Variants in SLC9A9 observed in about 807,000 individuals in gnomAD.
SLC9A9 encodes the protein solute carrier family 9 member A9.
In SLC9A9, 62 loss-of-function variants were observed where a neutral mutation model predicts 77.8. That is an observed-to-expected ratio of 0.80 (90% CI 0.65 to 0.98). The LOEUF is 0.98. Ranked by LOEUF, SLC9A9 falls within the 50% of genes least tolerant of loss-of-function variation. The pLI, the probability that SLC9A9 is intolerant of heterozygous loss-of-function variation, is 0.00. For missense variants in SLC9A9, 775 were observed against 774.9 expected, an observed-to-expected ratio of 1.00 and a Z score of 0.00; for synonymous variants, 320 against 283.5, an observed-to-expected ratio of 1.13 and a Z score of -1.29.
In SLC9A9 at chr3:143,266,149, C is replaced by T. The variant is rs769905645; in HGVS notation, c.*553G>A. ...TCAACTCAGTGTGGGCTCTGGGAAA[C>T]CATCAGCAGTGGGTACGGAACACTT... On this transcript the variant is annotated 3_prime_UTR_variant, in exon 16 of 16. Coordinates refer to ENST00000316549, the MANE Select transcript of SLC9A9 (RefSeq NM_173653.4). 1.4e-6 allele frequency: 1 copy of T among 701,762 alleles called. No individual in the cohort carries two copies. Among genetic ancestry groups the T allele is most frequent in the South Asian group, 1.5e-5 (1 of 67,238 alleles). The allele number at this position is 701,762 out of a possible 1,614,324, so 43.5% of individuals were successfully genotyped here.
At chr3:143,472,700 C>T (rs188125937) in intron 11 of SLC9A9, among the ~76,000 whole-genome samples, 1 of 152,326 alleles carries the variant, frequency 6.6e-6, no homozygotes, top group East Asian at 1.9e-4. Context: ...ACAGTAGGCA[C>T]TCAATAACGA....
At chr3:143,281,903 T>G (rs1255267023) in intron 14 of SLC9A9, among the ~76,000 whole-genome samples, 1 of 152,180 alleles carries the variant, frequency 6.6e-6, no homozygotes, top group East Asian at 1.9e-4. Context: ...ACCTTTCCTA[T>G]CTCATTCCCC....
At position 143,486,300 on chromosome 3, in the gene SLC9A9, T is replaced by C. The variant is rs149624728; in HGVS notation, c.1315+7353A>G. 6.9e-4 allele frequency among the ~76,000 whole-genome samples: 105 copies of C among 152,118 alleles called. No individual in the cohort carries two copies. The East Asian group carries it at 0.017, about 25-fold the overall frequency. On this transcript the variant is annotated intron_variant, in intron 11 of 15. Transcript: ENST00000316549. ...ATCATTGAACCTATCCTTTAAGAAA[T>C]CCCTCAAGAGAGTCCTGCAGGGTGA...
At chr3:143,444,709 G>A (rs955135351) in intron 12 of SLC9A9, among the ~76,000 whole-genome samples, 6 of 152,170 alleles carry the variant, frequency 3.9e-5, no homozygotes, top group Non-Finnish European at 5.9e-5. Flanking sequence ...CAGGGGTGAA[G>A]GGGCAATCTT....
At chr3:143,760,461 C>A (rs1205123689) in intron 4 of SLC9A9, among the ~76,000 whole-genome samples, 1 of 152,120 alleles carries the variant, frequency 6.6e-6, no homozygotes, top group Non-Finnish European at 1.5e-5. Context: ...CGTCTCAGCC[C>A]AAAATCTCCT....
chr3:143,591,765 T>C (rs1559983411), intron 6 of SLC9A9, among the ~76,000 whole-genome samples: 1 of 152,226 alleles, frequency 6.6e-6, no homozygotes, highest in Admixed American at 6.5e-5. Flanking sequence ...ACTAGGGCCC[T>C]GCATGCTGGA....
At chr3:143,561,632 A>AG (rs2037087247) in intron 8 of SLC9A9, among the ~76,000 whole-genome samples, 1 of 152,174 alleles carries the variant, frequency 6.6e-6, no homozygotes, top group Admixed American at 6.5e-5. Flanking sequence ...GCTGGCCAAT[A>AG]GCTTCACCCT....
intron 14 of SLC9A9, among the ~76,000 whole-genome samples, chr3:143,319,765 A>T (rs2031350120): frequency 6.6e-6 from 1 of 152,214 alleles, no homozygotes; most frequent in South Asian, 2.1e-4. Flanking sequence ...GCCAGTAAGG[A>T]TGTCTGCTGA....
In SLC9A9 at chr3:143,602,635, C is replaced by A. The variant is rs2037863511; in HGVS notation, c.756-23912G>T. Among the ~76,000 whole-genome samples the A allele has an allele frequency of 1.3e-5, 2 of 152,052 alleles. 1 individual carries two copies. The highest frequency in any genetic ancestry group is 4.2e-4 in the South Asian group (2 of 4,816). On this transcript the variant is annotated intron_variant, in intron 6 of 15. Coordinates refer to ENST00000316549, the MANE Select transcript of SLC9A9 (RefSeq NM_173653.4). ...CTAGGAAATATAGACACAAATGGGGCAATTCTATAGTCTAAAATTATAGAG... is the reference window on the plus strand; with the variant it reads ...CTAGGAAATATAGACACAAATGGGGAAATTCTATAGTCTAAAATTATAGAG...
At chr3:143,838,441 G>A (rs1308307676) in intron 1 of SLC9A9, among the ~76,000 whole-genome samples, 2 of 150,700 alleles carry the variant, frequency 1.3e-5, no homozygotes, top group African/African-American at 4.9e-5. Flanking sequence ...GGTCGGCAAG[G>A]TGGTCTCGAG....
At chr3:143,668,856 G>A (rs1203673017) in intron 5 of SLC9A9, among the ~76,000 whole-genome samples, 2 of 152,136 alleles carry the variant, frequency 1.3e-5, no homozygotes, top group Admixed American at 1.3e-4. Flanking sequence ...CTCCATTTCA[G>A]TGCAAAATAA....
At chr3:143,669,148 C>T (rs1006703693) in intron 5 of SLC9A9, among the ~76,000 whole-genome samples, 1 of 152,212 alleles carries the variant, frequency 6.6e-6, no homozygotes, top group Non-Finnish European at 1.5e-5. Flanking sequence ...TTGCCTCACT[C>T]TTCCATGGTT....
chr3:143,812,434 A>G (rs1271211705), intron 2 of SLC9A9, among the ~76,000 whole-genome samples: 2 of 152,250 alleles, frequency 1.3e-5, no homozygotes, highest in Admixed American at 6.5e-5. Flanking sequence ...CTGCTCGCCT[A>G]TGAAATAATG....
chr3:143,560,264 G>T (rs971931439), intron 8 of SLC9A9, among the ~76,000 whole-genome samples: 12 of 152,166 alleles, frequency 7.9e-5, no homozygotes, highest in African/African-American at 2.7e-4. Flanking sequence ...ACTTTGAGGA[G>T]CAAGTCTCTC....
chr3:143,730,843 A>G (rs1480759870), intron 4 of SLC9A9, among the ~76,000 whole-genome samples: 1 of 152,182 alleles, frequency 6.6e-6, no homozygotes, highest in Non-Finnish European at 1.5e-5. Flanking sequence ...AAGTTTTCTA[A>G]GAAGTCAGCA....
chr3:143,743,058 C>G (rs916264417), intron 4 of SLC9A9, among the ~76,000 whole-genome samples: 6 of 151,954 alleles, frequency 3.9e-5, no homozygotes, highest in Non-Finnish European at 7.4e-5. Flanking sequence ...AGGAAAGTGA[C>G]GAGGTGCTGA....
chr3:143,726,999 A>G (rs1934670930), intron 4 of SLC9A9, among the ~76,000 whole-genome samples: 1 of 148,620 alleles, frequency 6.7e-6, no homozygotes. Context: ...AACAGAAGAG[A>G]TCCCCACCTC....
Position 143,617,577 on chromosome 3 carries a change from A to G in SLC9A9, c.755+34678T>C, listed in dbSNP as rs1015050000. 3.3e-5 allele frequency among the ~76,000 whole-genome samples: 5 copies of G among 152,252 alleles called. No homozygotes were observed. In the East Asian group the frequency reaches 9.6e-4, roughly 29 times the overall value. ...ACATTTTAAAATTAGGAGAATTCACATAGAAAATCCAGATTTTTAACTTCT... is the reference window on the plus strand; with the variant it reads ...ACATTTTAAAATTAGGAGAATTCACGTAGAAAATCCAGATTTTTAACTTCT... On this transcript the variant is annotated intron_variant, in intron 6 of 15. Transcript: ENST00000316549.
chr3:143,640,314 C>T (rs35443555), intron 6 of SLC9A9, among the ~76,000 whole-genome samples: 4,012 of 152,202 alleles, frequency 0.026, 116 homozygotes, highest in Middle Eastern at 0.072. Flanking sequence ...AGCCACCGTG[C>T]GCAACCTTGT....
Sources: allele counts gnomAD v4.1 joint callset (sites outside exome capture counted in the v4.1 genomes callset), GRCh38; gene constraint gnomAD v4.1.1; transcripts MANE v1.5; gene names NCBI Gene and HGNC (gene_info 2026-07-23, HGNC 2026-07-21).